TCTN1: variants seen among roughly 807,000 people sequenced by gnomAD.
TCTN1 encodes the protein tectonic-1.
Under a neutral mutation model 65.8 loss-of-function variants are expected in TCTN1, and 58 were observed. The ratio of observed to expected loss-of-function variants is 0.88; its 90% CI spans 0.71 to 1.10. The LOEUF (loss-of-function observed/expected upper bound fraction) is 1.10. Among genes scored for constraint, TCTN1 ranks in the 50% least tolerant of loss-of-function variants. The pLI is 0.00. For synonymous variants in TCTN1, 273 were observed against 289.1 expected, an observed-to-expected ratio of 0.94 and a Z score of 0.57; for missense variants, 645 against 719.4, an observed-to-expected ratio of 0.90 and a Z score of 1.18.
In TCTN1 at chr12:110,619,788, C is replaced by T. The variant is rs371093263; in HGVS notation, c.221-48C>T. The T allele has an allele frequency of 3.7e-6, 6 of 1,612,964 alleles. No homozygotes were observed. In the African/African-American group the frequency reaches 6.7e-5, roughly 18 times the overall value. ...CACTGTGGTGGCAGGGGGCAGTCAC[C>T]ACCTGCTGATGGTGATGTTCTGGAT... On this transcript the variant is annotated intron_variant, in intron 1 of 14. Transcript: ENST00000397659.
intron 1 of TCTN1, among the ~76,000 whole-genome samples, chr12:110,615,901 T>G (rs2135851536): frequency 6.6e-6 from 1 of 152,354 alleles, no homozygotes; most frequent in East Asian, 1.9e-4. Flanking sequence ...GAACCTTTAT[T>G]TCTCCAAAAG....
chr12:110,615,397 G>A (rs377183834), intron 1 of TCTN1, among the ~76,000 whole-genome samples: 9 of 152,150 alleles, frequency 5.9e-5, no homozygotes, highest in Admixed American at 4.6e-4. Context: ...AGTGGTTCAT[G>A]ATCTCAAAAA....
chr12:110,624,157 A>G (rs1051541086), intron 2 of TCTN1, among the ~76,000 whole-genome samples: 4 of 151,506 alleles, frequency 2.6e-5, no homozygotes, highest in Non-Finnish European at 4.4e-5. Flanking sequence ...CCTGGCTTCA[A>G]GTGATCCTCC....
At chr12:110,647,950 G>T (rs1193822645) in intron 14 of TCTN1, 57 bp downstream of exon 14, 6 of 1,608,346 alleles carry the variant, frequency 3.7e-6, no homozygotes, top group Non-Finnish European at 5.1e-6. Flanking sequence ...AAGTGTGCAC[G>T]TGGGGCTAGA....
At chr12:110,636,294 C>T in intron 6 of TCTN1, 187 bp from the exon 7 acceptor site, 1 of 528,818 alleles carries the variant, frequency 1.9e-6, no homozygotes, top group Non-Finnish European at 3.4e-6. Flanking sequence ...CGCAATGTGA[C>T]CTCTTTGATT....
chr12:110,642,223 C>T, intron 10 of TCTN1, 26 bp from the exon 11 acceptor site: 1 of 1,614,018 alleles, frequency 6.2e-7, no homozygotes, highest in Non-Finnish European at 8.5e-7. Flanking sequence ...TAGCACTAGG[C>T]AGTTGTCCCT....
At chr12:110,635,322 A>T (rs577507631) in intron 6 of TCTN1, among the ~76,000 whole-genome samples, 1 of 152,192 alleles carries the variant, frequency 6.6e-6, no homozygotes, top group South Asian at 2.1e-4. Context: ...GACAGATGAG[A>T]TGGAGGGTGG....
intron 1 of TCTN1, among the ~76,000 whole-genome samples, chr12:110,618,003 A>T (rs932039372): frequency 2.6e-5 from 4 of 151,786 alleles, no homozygotes; most frequent in Non-Finnish European, 5.9e-5. Flanking sequence ...ACAAATAAGA[A>T]TGTTGGGTGG....
intron 4 of TCTN1, chr12:110,630,437 G>T (rs889645359): frequency 1.3e-5 from 2 of 152,168 alleles, no homozygotes; most frequent in Non-Finnish European, 2.9e-5. Flanking sequence ...TACAGATTTT[G>T]GAAGATGTGT....
rs183128695 is a variant in TCTN1, at chr12:110,632,724, G to A, written c.712+165G>A. 83 of 687,384 alleles carry A rather than the reference G, an allele frequency of 1.2e-4. 1 individual carries two copies. Among genetic ancestry groups the A allele is most frequent in the Admixed American group, 6.5e-4 (30 of 46,034 alleles). 42.6% of individuals were successfully genotyped at this position (687,384 alleles called of 1,614,324 possible). A position where few individuals can be genotyped will look rare whatever the true frequency, so the allele number is the denominator to read the frequency against. On this transcript the variant is annotated intron_variant, in intron 5 of 14. Transcript: ENST00000397659. ...TAGTAGTCATCATTAAACAGGCCTCGTAACTAAAAACAGAATCTTCGGGTT... is the reference window on the plus strand; with the variant it reads ...TAGTAGTCATCATTAAACAGGCCTCATAACTAAAAACAGAATCTTCGGGTT...
rs968453130 is a variant in TCTN1, at chr12:110,640,620, A to T, written c.978+103A>T. 3 of 1,556,602 alleles carry T rather than the reference A, an allele frequency of 1.9e-6. No homozygotes were observed. Among genetic ancestry groups the T allele is most frequent in the African/African-American group, 1.4e-5 (1 of 73,768 alleles). On this transcript the variant is annotated intron_variant, in intron 8 of 14. Transcript: ENST00000397659. This position sits in a 1 kb window ranked among gnomAD's most constrained non-coding sequence, Gnocchi z 4.9. ...CTCCGAGGACGCTCTGTCCCAGCCC[A>T]TGGTGTGGCTTTTCTTGGCTCAGCT...
chr12:110,616,193 G>A (rs1250524506), intron 1 of TCTN1: 2 of 384,008 alleles, frequency 5.2e-6, no homozygotes, highest in Non-Finnish European at 1.1e-5. Flanking sequence ...CATTATTATA[G>A]CATGTGTTCA....
chr12:110,634,513 C>A (rs563620868), intron 5 of TCTN1, 157 bp from the exon 6 acceptor site: 4 of 668,968 alleles, frequency 6.0e-6, no homozygotes, highest in African/African-American at 5.5e-5. Context: ...CTTGTCTCTA[C>A]TAAAAAAACA....
intron 2 of TCTN1, among the ~76,000 whole-genome samples, chr12:110,625,433 A>C (rs957354917): frequency 1.3e-5 from 2 of 152,154 alleles, no homozygotes; most frequent in African/African-American, 4.8e-5. Flanking sequence ...CAAATGCAAA[A>C]TATTTCAACA....
intron 6 of TCTN1, 55 bp from the exon 7 acceptor site, chr12:110,636,426 A>G (rs1484421929): frequency 5.0e-6 from 6 of 1,202,576 alleles, no homozygotes; most frequent in Non-Finnish European, 7.3e-6. Context: ...AAAGCAATGA[A>G]AATACTTCTT....
rs1433377009 is a variant in TCTN1 at position 110,614,135 on chromosome 12, G to A, written c.-48G>A. On this transcript the variant is annotated 5_prime_UTR_variant, in exon 1 of 15. Coordinates refer to ENST00000397659, the MANE Select transcript of TCTN1 (RefSeq NM_001082538.3). ...CCCGCGCCTGGCTGTCGCGGTTGCC[G>A]GGCAACGCGCTGTCCATGTCGCGGG... is the stretch of plus-strand genomic sequence containing the variant. The A allele has an allele frequency of 1.3e-6, 2 of 1,539,616 alleles. No homozygotes were observed. The highest frequency in any genetic ancestry group is 1.2e-5 in the South Asian group (1 of 83,904).
At position 110,640,047 on chromosome 12, in the gene TCTN1, TC is replaced by T. The variant is rs1459830404; in HGVS notation, c.844-334del. ...TTTGTAAGGCTAGACTTTGTATTTA[TC>T]CATTCATCAGTTGATGGACATTTAG... On this transcript the variant is annotated intron_variant, in intron 7 of 14. Coordinates refer to ENST00000397659, the MANE Select transcript of TCTN1 (RefSeq NM_001082538.3). The surrounding 1 kb of genome is among the most constrained non-coding windows in gnomAD (Gnocchi z 4.9). Among the ~76,000 whole-genome samples, 1 of 152,248 alleles carries T rather than the reference TC, an allele frequency of 6.6e-6. No homozygotes were observed. The highest frequency in any genetic ancestry group is 1.5e-5 in the Non-Finnish European group (1 of 68,040).
chr12:110,621,040 G>A (rs1162890053), intron 2 of TCTN1, among the ~76,000 whole-genome samples: 1 of 152,120 alleles, frequency 6.6e-6, no homozygotes, highest in East Asian at 1.9e-4. Context: ...CCTGACCTCA[G>A]GTGATCCGCC....
chr12:110,635,461 T>TA (rs200089507), intron 6 of TCTN1, among the ~76,000 whole-genome samples: 34 of 151,082 alleles, frequency 2.3e-4, no homozygotes, highest in Non-Finnish European at 3.3e-4. Flanking sequence ...CAAAAAATAA[T>TA]AAAAAAAAAC....
Sources: gnomAD v4.1 joint callset for allele counts (sites outside exome capture counted in the v4.1 genomes callset) on GRCh38, gnomAD v4.1.1 for gene constraint, Gnocchi (gnomAD v3.1) non-coding constraint, MANE v1.5 for transcripts, NCBI Gene and HGNC (gene_info 2026-07-23, HGNC 2026-07-21) for gene names.